TRAIP: variants seen among roughly 807,000 people sequenced by gnomAD.
TRAIP encodes the protein TRAF interacting protein.
In TRAIP, 37 loss-of-function variants were observed where a neutral mutation model predicts 65.0. That is an observed-to-expected ratio of 0.57 (90% CI 0.44 to 0.75). The LOEUF is 0.75. Among genes scored for constraint, TRAIP ranks in the 30% least tolerant of loss-of-function variants. The pLI is 0.00. For synonymous variants in TRAIP, 187 were observed against 219.1 expected, an observed-to-expected ratio of 0.85 and a Z score of 1.29; for missense variants, 481 against 579.4, an observed-to-expected ratio of 0.83 and a Z score of 1.74.
At chr3:49,842,320 G>A in intron 6 of TRAIP, 133 bp downstream of exon 6, 1 of 820,980 alleles carries the variant, frequency 1.2e-6, no homozygotes, top group Non-Finnish European at 2.0e-6. Flanking sequence ...CAGCTGACCT[G>A]AGCCCTCCAT....
chr3:49,830,365 C>G (rs1347333278), intron 11 of TRAIP, among the ~76,000 whole-genome samples: 1 of 152,192 alleles, frequency 6.6e-6, no homozygotes, highest in Non-Finnish European at 1.5e-5. Flanking sequence ...GGCACCTCAC[C>G]ATGTCCCAGG....
At chr3:49,849,317 T>A (rs895195182) in intron 1 of TRAIP, among the ~76,000 whole-genome samples, 6 of 151,406 alleles carry the variant, frequency 4.0e-5, no homozygotes, top group Non-Finnish European at 8.9e-5. Flanking sequence ...ATCAAAAAAA[T>A]TTTTTTAATT....
intron 10 of TRAIP, among the ~76,000 whole-genome samples, chr3:49,839,173 G>A (rs2081815277): frequency 6.7e-6 from 1 of 150,184 alleles, no homozygotes; most frequent in East Asian, 2.0e-4. Context: ...TGGCAACAGA[G>A]TAAGACTCCA....
At chr3:49,855,192 T>C (rs1165478575) in intron 1 of TRAIP, among the ~76,000 whole-genome samples, 1 of 151,856 alleles carries the variant, frequency 6.6e-6, no homozygotes, top group Non-Finnish European at 1.5e-5. Context: ...AGTAAAAGGA[T>C]AGGCCCTAGC....
At chr3:49,851,220 T>C (rs954300138) in intron 1 of TRAIP, among the ~76,000 whole-genome samples, 8 of 151,988 alleles carry the variant, frequency 5.3e-5, no homozygotes, top group African/African-American at 1.5e-4. Context: ...GCAATCTGCC[T>C]ACCTCAGCCT....
At chr3:49,850,456 G>A (rs2081920860) in intron 1 of TRAIP, among the ~76,000 whole-genome samples, 1 of 147,788 alleles carries the variant, frequency 6.8e-6, no homozygotes, top group Admixed American at 7.0e-5. Flanking sequence ...CCGAGATCAC[G>A]CCACTGCACT....
At chr3:49,845,567 C>T (rs1000275696) in intron 3 of TRAIP, among the ~76,000 whole-genome samples, 1 of 152,220 alleles carries the variant, frequency 6.6e-6, no homozygotes, top group Admixed American at 6.5e-5. Context: ...GGCTGGTTAG[C>T]ATAGGCTGAA....
At chr3:49,839,683 C>T (rs2081820056) in intron 10 of TRAIP, 89 bp downstream of exon 10, 1 of 1,249,156 alleles carries the variant, frequency 8.0e-7, no homozygotes, top group Non-Finnish European at 1.2e-6. Flanking sequence ...ACAGAGGTCA[C>T]CCACCCCACC....
intron 4 of TRAIP, 135 bp downstream of exon 4, chr3:49,844,406 G>T: frequency 3.2e-6 from 3 of 941,530 alleles, no homozygotes; most frequent in Non-Finnish European, 3.3e-6. Context: ...ACAACAGCTA[G>T]CAGGACTCTT....
chr3:49,842,330 T>A (rs149212560), intron 6 of TRAIP, 123 bp downstream of exon 6: 2 of 929,922 alleles, frequency 2.2e-6, no homozygotes, highest in South Asian at 2.9e-5. Context: ...GAGCCCTCCA[T>A]GGCCTATGGA....
At chr3:49,854,118 G>C (rs2081954068) in intron 1 of TRAIP, among the ~76,000 whole-genome samples, 1 of 152,110 alleles carries the variant, frequency 6.6e-6, no homozygotes. Flanking sequence ...CTTGAGTACA[G>C]GAGTTTCAAA....
intron 4 of TRAIP, 92 bp from the exon 5 acceptor site, chr3:49,844,020 T>TA: frequency 6.8e-7 from 1 of 1,477,654 alleles, no homozygotes; most frequent in Non-Finnish European, 9.1e-7. Context: ...CCTCATCCCT[T>TA]AGGCAGGTGA....
chr3:49,836,952 C>CTTTTTTT (rs397875517), intron 10 of TRAIP, among the ~76,000 whole-genome samples: 3 of 83,228 alleles, frequency 3.6e-5, no homozygotes, highest in Non-Finnish European at 6.9e-5. Context: ...CTTGACATGA[C>CTTTTTTT]TTTTTTTTTT....
At chr3:49,850,630 T>C (rs990257825) in intron 1 of TRAIP, among the ~76,000 whole-genome samples, 4 of 149,816 alleles carry the variant, frequency 2.7e-5, no homozygotes, top group African/African-American at 9.9e-5. Flanking sequence ...AGAAGGTTTC[T>C]AGAGCTGATA....
chr3:49,830,992 G>A (rs1559444740), intron 11 of TRAIP, among the ~76,000 whole-genome samples: 2 of 152,344 alleles, frequency 1.3e-5, no homozygotes, highest in Middle Eastern at 6.8e-3. Context: ...AAGACCCCAG[G>A]TGTCCACCTT....
Position 49,837,150 on chromosome 3 carries a change from G to T in TRAIP, c.884+2622C>A, listed in dbSNP as rs1426845844. On this transcript the variant is annotated intron_variant, in intron 10 of 14. Coordinates refer to ENST00000331456, the MANE Select transcript of TRAIP (RefSeq NM_005879.3). Reference sequence around the variant, plus strand: ...TGTAGTAACACATTAGCAGTCACAGGAGAAAGGTAGAGGCAGAGTCTTTGA... The same window carrying T: ...TGTAGTAACACATTAGCAGTCACAGTAGAAAGGTAGAGGCAGAGTCTTTGA... Among the ~76,000 whole-genome samples, 3 of 152,014 alleles carry T rather than the reference G, an allele frequency of 2.0e-5. No individual in the cohort carries two copies. In the East Asian group the frequency reaches 5.8e-4, roughly 29 times the overall value.
Position 49,842,487 on chromosome 3 carries a change from G to C in TRAIP, c.469C>G (p.Arg157Gly), listed in dbSNP as rs375712221. Reference protein sequence around the residue: ...DETKQAQEEARRLRSKMKTME... With the variant: ...DETKQAQEEAGRLRSKMKTME... ...GTCTTCATCTTGCTCCTGAGCCGGC[G>C]GGCCTCCTCTTGTGCTTGTTTGGTC... Residue 157 changes from arginine (R) to glycine (G), a missense_variant, in exon 6 of 15, where the codon CGC becomes GGC. Arg to Gly is a moderately radical substitution (Grantham distance 125, BLOSUM62 -2). Transcript: ENST00000331456. 98 of 1,613,918 alleles carry C rather than the reference G, an allele frequency of 6.1e-5. No homozygotes were observed. In the African/African-American group the frequency reaches 1.2e-3, roughly 20 times the overall value.
At chr3:49,845,430 C>T (rs2081873455) in intron 3 of TRAIP, among the ~76,000 whole-genome samples, 1 of 152,236 alleles carries the variant, frequency 6.6e-6, no homozygotes, top group African/African-American at 2.4e-5. Context: ...GATCACTTGT[C>T]TAAGATCAAC....
chr3:49,848,228 G>A, intron 1 of TRAIP, 28 bp from the exon 2 acceptor site: 1 of 1,613,030 alleles, frequency 6.2e-7, no homozygotes, highest in East Asian at 2.2e-5. Flanking sequence ...ACAATAGACT[G>A]ATGAGCCCTG....
Sources: gnomAD v4.1 joint callset for allele counts (sites outside exome capture counted in the v4.1 genomes callset) on GRCh38, gnomAD v4.1.1 for gene constraint, MANE v1.5 for transcripts, NCBI Gene and HGNC (gene_info 2026-07-23, HGNC 2026-07-21) for gene names.